The following PLSCR4 variants were observed in gnomAD, a reference collection of about 807,000 sequenced individuals.
PLSCR4 encodes the protein phospholipid scramblase 4.
PLSCR4 carries 25 observed loss-of-function variants against 36.3 expected under a neutral mutation model. That is an observed-to-expected ratio of 0.69 (90% confidence interval 0.50 to 0.96). PLSCR4 has a LOEUF of 0.96. Among genes scored for constraint, PLSCR4 ranks in the 40% least tolerant of loss-of-function variants. PLSCR4 has a pLI of 0.00. For missense variants in PLSCR4, 408 were observed against 414.7 expected (o/e 0.98, Z 0.14); for synonymous variants, 122 against 132.9 (o/e 0.92, Z 0.56).
At position 146,225,626 on chromosome 3, in the gene PLSCR4, G is replaced by GAGCA. The variant is rs1559918914; in HGVS notation, c.-21-3535_-21-3534insTGCT. The stretch of plus-strand genomic sequence containing the variant: ...GAGAAATCGAGCACAGCACCGGTGG[G>GAGCA]CTGGCACTGCTGGAGGACTCACTAC... On this transcript the variant is annotated intron_variant, in intron 1 of 8. Transcript: ENST00000354952. 1.8e-4 allele frequency among the ~76,000 whole-genome samples: 28 copies of GAGCA among 152,312 alleles called. No homozygotes were observed. The Middle Eastern group carries it at 0.01, about 56-fold the overall frequency.
chr3:146,207,679 G>A lies in PLSCR4; in HGVS notation c.119-918C>T, dbSNP rs144125393. Reference sequence around the variant, plus strand: ...CCAAGTAACATCACATTGGGAAATGGGACTTCAATATGTGAATTTGGGAGG... The same window carrying A: ...CCAAGTAACATCACATTGGGAAATGAGACTTCAATATGTGAATTTGGGAGG... On this transcript the variant is annotated intron_variant, in intron 3 of 8. Coordinates refer to ENST00000354952, the MANE Select transcript of PLSCR4 (RefSeq NM_020353.3). Among the ~76,000 whole-genome samples, 35 of 152,074 alleles carry A rather than the reference G, an allele frequency of 2.3e-4. No homozygotes were observed. The East Asian group carries it at 6.6e-3, about 29-fold the overall frequency.
rs531518767 is a variant in PLSCR4, at chr3:146,197,772, A to C, written c.625-979T>G. Among the ~76,000 whole-genome samples, 11 of 152,276 alleles carry C rather than the reference A, an allele frequency of 7.2e-5. No individual in the cohort carries two copies. The South Asian group carries it at 2.3e-3, about 32-fold the overall frequency. ...TTTCTCTGGTGTTACATGTACTTTCATAAGAATTTGGGGAAAGGATTACCC... is the reference window on the plus strand; with the variant it reads ...TTTCTCTGGTGTTACATGTACTTTCCTAAGAATTTGGGGAAAGGATTACCC... On this transcript the variant is annotated intron_variant, in intron 6 of 8. Transcript: ENST00000354952.
rs182524644 is a variant in PLSCR4, at chr3:146,234,937, T to C, written c.-21-12845A>G. ...AATATTAAACTAACTGACATTGAAA[T>C]CATAACTCACAAAAGGCTGGCCAGA... On this transcript the variant is annotated intron_variant, in intron 1 of 8. Transcript: ENST00000354952. Among the ~76,000 whole-genome samples, 87 of 152,224 alleles carry C rather than the reference T, an allele frequency of 5.7e-4. 1 individual carries two copies. In the Middle Eastern group the frequency reaches 0.01, roughly 18 times the overall value.
Position 146,194,492 on chromosome 3 carries a change from A to G in PLSCR4, c.946-37T>C, listed in dbSNP as rs1194635982. The G allele has an allele frequency of 7.7e-6, 9 of 1,174,090 alleles. No homozygotes were observed. The African/African-American group carries it at 1.4e-4, about 18-fold the overall frequency. The allele number at this position is 1,174,090 out of a possible 1,614,324, so 72.7% of individuals were successfully genotyped here. A position where few individuals can be genotyped will look rare whatever the true frequency, so the allele number is the denominator to read the frequency against. On this transcript the variant is annotated intron_variant, in intron 8 of 8. Coordinates refer to ENST00000354952, the MANE Select transcript of PLSCR4 (RefSeq NM_020353.3). ...AAAAGAATTATATGTAGATATATAG[A>G]TAATTAGGTATAATGCATGCGGTAT... is the stretch of plus-strand genomic sequence containing the variant.
At chr3:146,247,189 C>A (rs1050570872) in intron 1 of PLSCR4, among the ~76,000 whole-genome samples, 2 of 151,980 alleles carry the variant, frequency 1.3e-5, no homozygotes, top group Non-Finnish European at 2.9e-5. Context: ...TAGGCTATTA[C>A]CAAAAATGCT....
chr3:146,209,824 ATGT>A (rs1443878117), intron 3 of PLSCR4, among the ~76,000 whole-genome samples: 1 of 152,118 alleles, frequency 6.6e-6, no homozygotes, highest in Non-Finnish European at 1.5e-5. Flanking sequence ...CCCACAAGTG[ATGT>A]TGTCTGAACT....
At chr3:146,199,117 T>C (rs559485202) in intron 6 of PLSCR4, among the ~76,000 whole-genome samples, 1 of 152,252 alleles carries the variant, frequency 6.6e-6, no homozygotes, top group South Asian at 2.1e-4. Context: ...AGTAATCCTA[T>C]GATGTATTAT....
At chr3:146,244,708 A>T (rs937738390) in intron 1 of PLSCR4, among the ~76,000 whole-genome samples, 23 of 152,088 alleles carry the variant, frequency 1.5e-4, no homozygotes, top group African/African-American at 4.8e-4. Context: ...ATTCCCTGAG[A>T]CAAAACAATA....
intron 6 of PLSCR4, among the ~76,000 whole-genome samples, chr3:146,197,211 T>C (rs1405955007): frequency 6.6e-6 from 1 of 152,176 alleles, no homozygotes; most frequent in Non-Finnish European, 1.5e-5. Flanking sequence ...TAAGTTGGCT[T>C]GGTTTCAAGG....
At chr3:146,226,943 C>G (rs1380503353) in intron 1 of PLSCR4, among the ~76,000 whole-genome samples, 1 of 151,524 alleles carries the variant, frequency 6.6e-6, no homozygotes, top group Non-Finnish European at 1.5e-5. Context: ...CTCCTTTGAG[C>G]TGCTAGTATT....
intron 1 of PLSCR4, among the ~76,000 whole-genome samples, chr3:146,232,872 G>A (rs2035773061): frequency 6.6e-6 from 1 of 152,036 alleles, no homozygotes; most frequent in African/African-American, 2.4e-5. Context: ...TGCCTAAAGA[G>A]GTTTTTTACT....
In PLSCR4 at chr3:146,234,886, A is replaced by C. The variant is rs117141260; in HGVS notation, c.-21-12794T>G. Reference sequence around the variant, plus strand: ...CAAGGGTTGTGCACACACTAAAGAGATCTAAATATCATGGCAAAGACTTTG... The same window carrying C: ...CAAGGGTTGTGCACACACTAAAGAGCTCTAAATATCATGGCAAAGACTTTG... On this transcript the variant is annotated intron_variant, in intron 1 of 8. Coordinates refer to ENST00000354952, the MANE Select transcript of PLSCR4 (RefSeq NM_020353.3). 2.0e-5 allele frequency among the ~76,000 whole-genome samples: 3 copies of C among 152,212 alleles called. No individual in the cohort carries two copies. In the East Asian group the frequency reaches 5.8e-4, roughly 29 times the overall value.
At chr3:146,221,324 T>C (rs1387369356) in intron 2 of PLSCR4, among the ~76,000 whole-genome samples, 1 of 152,170 alleles carries the variant, frequency 6.6e-6, no homozygotes, top group Non-Finnish European at 1.5e-5. Flanking sequence ...CTAATTATTT[T>C]TGGAAAGTGC....
chr3:146,235,310 C>T (rs1225166621), intron 1 of PLSCR4, among the ~76,000 whole-genome samples: 2 of 151,990 alleles, frequency 1.3e-5, no homozygotes, highest in Non-Finnish European at 2.9e-5. Flanking sequence ...GATGAGTTCT[C>T]GTGACATCTA....
At position 146,193,356 on chromosome 3, in the gene PLSCR4, G is replaced by A. The variant is rs1576440244; in HGVS notation, c.*1055C>T. The A allele has an allele frequency of 6.6e-6, 1 of 152,140 alleles. No homozygotes were observed. The highest frequency in any genetic ancestry group is 6.5e-5 in the Admixed American group (1 of 15,288). 9.4% of individuals were successfully genotyped at this position (152,140 alleles called of 1,614,324 possible). ...TTGTCGCTTTCACTTTTTATAAAGT[G>A]CTACATAAAATGTCATATTTCCAAA... On this transcript the variant is annotated 3_prime_UTR_variant, in exon 9 of 9. Coordinates refer to ENST00000354952, the MANE Select transcript of PLSCR4 (RefSeq NM_020353.3).
At chr3:146,195,806 G>A (rs2033705836) in intron 7 of PLSCR4, among the ~76,000 whole-genome samples, 1 of 152,172 alleles carries the variant, frequency 6.6e-6, no homozygotes, top group Admixed American at 6.5e-5. Context: ...ATGTCACTTG[G>A]CAATGGGAAT....
chr3:146,218,288 T>A, intron 3 of PLSCR4, among the ~76,000 whole-genome samples: 1 of 151,982 alleles, frequency 6.6e-6, no homozygotes, highest in Admixed American at 6.6e-5. Flanking sequence ...TTAACTATTA[T>A]TAAAAATAAC....
chr3:146,247,027 T>C lies in PLSCR4; in HGVS notation c.-22+3933A>G, dbSNP rs556513162. Reference sequence around the variant, plus strand: ...CAGTTTTTATAAAATGGCAATCATCTATATACTTTTCTGTGTCTTTTTCTT... The same window carrying C: ...CAGTTTTTATAAAATGGCAATCATCCATATACTTTTCTGTGTCTTTTTCTT... On this transcript the variant is annotated intron_variant, in intron 1 of 8. Coordinates refer to ENST00000354952, the MANE Select transcript of PLSCR4 (RefSeq NM_020353.3). Among the ~76,000 whole-genome samples, 24 of 152,304 alleles carry C rather than the reference T, an allele frequency of 1.6e-4. No individual in the cohort carries two copies. The East Asian group carries it at 3.3e-3, about 21-fold the overall frequency.
chr3:146,224,299 T>C (rs957698220), intron 1 of PLSCR4, among the ~76,000 whole-genome samples: 4 of 152,242 alleles, frequency 2.6e-5, no homozygotes, highest in Non-Finnish European at 5.9e-5. Flanking sequence ...AAACAAATTA[T>C]AGCTGTGCAC....
Sources: allele counts gnomAD v4.1 joint callset (sites outside exome capture counted in the v4.1 genomes callset), GRCh38; gene constraint gnomAD v4.1.1; transcripts MANE v1.5; gene names NCBI Gene and HGNC (gene_info 2026-07-23, HGNC 2026-07-21).